TYW1: variants seen among roughly 807,000 people sequenced by gnomAD.
The protein encoded by TYW1 is S-adenosyl-L-methionine-dependent tRNA 4-demethylwyosine synthase TYW1.
A neutral mutation model predicts 96.2 loss-of-function variants in TYW1; 46 were observed. That is an observed-to-expected ratio of 0.48 (90% CI 0.38 to 0.61). The LOEUF is 0.61. TYW1 is among the 20% of genes least tolerant of loss of function. TYW1 has a pLI of 0.00. For missense variants in TYW1, 684 were observed against 909.6 expected, an observed-to-expected ratio of 0.75 and a Z score of 3.19; for synonymous variants, 274 against 323.0, an observed-to-expected ratio of 0.85 and a Z score of 1.63.
At chr7:67,131,684 C>G (rs1798077854) in intron 13 of TYW1, among the ~76,000 whole-genome samples, 1 of 152,056 alleles carries the variant, frequency 6.6e-6, no homozygotes, top group African/African-American at 2.4e-5. Context: ...AAGGTGAAGT[C>G]CCACAATAGG....
At chr7:67,078,395 A>G (rs1291062519) in intron 10 of TYW1, among the ~76,000 whole-genome samples, 4 of 151,946 alleles carry the variant, frequency 2.6e-5, no homozygotes, top group Non-Finnish European at 4.4e-5. Context: ...GCACCTGGCT[A>G]TAGTATATTT....
intron 3 of TYW1, among the ~76,000 whole-genome samples, chr7:67,008,429 A>G (rs1183086730): frequency 2.6e-5 from 4 of 152,130 alleles, no homozygotes; most frequent in Non-Finnish European, 5.9e-5. Flanking sequence ...ACTTCTCATC[A>G]GTTTCTCTGG....
intron 15 of TYW1, among the ~76,000 whole-genome samples, chr7:67,199,203 AAAAT>A (rs1316042034): frequency 6.6e-6 from 1 of 151,566 alleles, no homozygotes; most frequent in Non-Finnish European, 1.5e-5. Context: ...TCAAAAAAAA[AAAAT>A]AAATAAATAA....
At chr7:67,102,508 G>A (rs1584563323) in intron 12 of TYW1, among the ~76,000 whole-genome samples, 1 of 152,244 alleles carries the variant, frequency 6.6e-6, no homozygotes, top group South Asian at 2.1e-4. Flanking sequence ...ACAAAAAGGA[G>A]GAAGTAAGGT....
intron 13 of TYW1, among the ~76,000 whole-genome samples, chr7:67,126,547 GTCATCTA>G (rs1366053847): frequency 7.1e-6 from 1 of 140,160 alleles, no homozygotes; most frequent in Non-Finnish European, 1.5e-5. Flanking sequence ...CAAATCCACG[GTCATCTA>G]GACTTTCTCC....
At chr7:67,098,257 A>G (rs1434293624) in intron 11 of TYW1, among the ~76,000 whole-genome samples, 2 of 152,242 alleles carry the variant, frequency 1.3e-5, no homozygotes, top group Non-Finnish European at 2.9e-5. Context: ...TAAGCAAATT[A>G]TGCAAAGGGA....
At chr7:67,002,042 A>G (rs2129236893) in intron 3 of TYW1, among the ~76,000 whole-genome samples, 1 of 151,004 alleles carries the variant, frequency 6.6e-6, no homozygotes, top group East Asian at 2.0e-4. Context: ...TCAAACAAAA[A>G]AAAAAAAGGA....
intron 10 of TYW1, among the ~76,000 whole-genome samples, chr7:67,072,938 T>G (rs1279193845): frequency 5.3e-5 from 5 of 93,796 alleles, no homozygotes; most frequent in African/African-American, 2.1e-4. Context: ...TATCCAGTTT[T>G]TTTTTTTTTT....
chr7:67,055,746 A>G, intron 8 of TYW1, 89 bp from the exon 9 acceptor site: 1 of 1,171,138 alleles, frequency 8.5e-7, no homozygotes, highest in East Asian at 2.4e-5. Flanking sequence ...TAGCAAAAAA[A>G]AAAAAAAATT....
chr7:67,061,120 C>T (rs894571699), intron 9 of TYW1, among the ~76,000 whole-genome samples: 15 of 152,040 alleles, frequency 9.9e-5, no homozygotes, highest in East Asian at 1.9e-4. Flanking sequence ...CTCAGCTACT[C>T]GGGAGGCTGA....
chr7:67,013,370 G>A (rs983368134), intron 4 of TYW1, among the ~76,000 whole-genome samples: 13 of 151,956 alleles, frequency 8.6e-5, no homozygotes, highest in African/African-American at 2.2e-4. Context: ...TGATCCACCC[G>A]CCTCAACCTC....
chr7:67,098,594 T>C lies in TYW1; in HGVS notation c.1438T>C (p.Cys480Arg), dbSNP rs1378155268. ...TGAAGAAGGAATGACGGTAAAGCACTGTGCATTGTCCCTCGTGGGAGAACC... is the reference window on the plus strand; with the variant it reads ...TGAAGAAGGAATGACGGTAAAGCACCGTGCATTGTCCCTCGTGGGAGAACC... ...RFEEGMTVKHCALSLVGEPIM... is the reference protein window; with the variant it reads ...RFEEGMTVKHRALSLVGEPIM... Residue 480 changes from cysteine (C) to arginine (R), a missense_variant, in exon 12 of 16, where the codon TGT becomes CGT. Transcript: ENST00000359626. 6.2e-6 allele frequency: 10 copies of C among 1,612,748 alleles called. No homozygotes were observed. The highest frequency in any genetic ancestry group is 8.5e-6 in the Non-Finnish European group (10 of 1,179,528).
chr7:67,135,302 GTTTTT>G (rs869257148), intron 13 of TYW1, among the ~76,000 whole-genome samples: 1 of 111,812 alleles, frequency 8.9e-6, no homozygotes, highest in Non-Finnish European at 1.7e-5. Flanking sequence ...TGTTAAAACA[GTTTTT>G]TTTTTTTTTT....
intron 10 of TYW1, among the ~76,000 whole-genome samples, chr7:67,077,522 T>C (rs1489970598): frequency 2.6e-5 from 4 of 152,252 alleles, no homozygotes. Context: ...GTCTGTTGGC[T>C]ACTTGTATAT....
At chr7:67,202,986 A>G (rs961847735) in intron 15 of TYW1, among the ~76,000 whole-genome samples, 6 of 152,248 alleles carry the variant, frequency 3.9e-5, no homozygotes, top group Admixed American at 3.3e-4. Flanking sequence ...GACCTTATTC[A>G]GATTTCACCA....
chr7:67,201,012 C>T (rs1472647515), intron 15 of TYW1, among the ~76,000 whole-genome samples: 1 of 152,010 alleles, frequency 6.6e-6, no homozygotes. Flanking sequence ...GAATGGCATC[C>T]TAAATGTCAT....
At chr7:67,034,297 G>T (rs769087181) in intron 7 of TYW1, among the ~76,000 whole-genome samples, 166 of 151,872 alleles carry the variant, frequency 1.1e-3, no homozygotes, top group Non-Finnish European at 5.3e-4. Context: ...GTACAGACGG[G>T]GTTTTGCCAT....
In TYW1 at chr7:66,996,960, C is replaced by G; in HGVS notation, c.-19C>G. On this transcript the variant is annotated 5_prime_UTR_variant, in exon 1 of 16. Transcript: ENST00000359626. The stretch of plus-strand genomic sequence containing the variant: ...CTATCCAGGTCCGAGATCCTAGTCT[C>G]CTGTCGGCTCTGAGGAGGATGGGTA... 6.2e-7 allele frequency: 1 copy of G among 1,614,148 alleles called. No homozygotes were observed. The highest frequency in any genetic ancestry group is 8.5e-7 in the Non-Finnish European group (1 of 1,180,002).
At chr7:67,090,500 C>T (rs559317345) in intron 11 of TYW1, among the ~76,000 whole-genome samples, 45 of 152,144 alleles carry the variant, frequency 3.0e-4, no homozygotes, top group African/African-American at 5.5e-4. Flanking sequence ...AGATGAAGTC[C>T]GCTTGTTAGT....
Sources: allele counts gnomAD v4.1 joint callset (sites outside exome capture counted in the v4.1 genomes callset), GRCh38; gene constraint gnomAD v4.1.1; transcripts MANE v1.5; gene names NCBI Gene and HGNC (gene_info 2026-07-23, HGNC 2026-07-21).